Variants in DLG2 observed in about 807,000 individuals in gnomAD.
DLG2 encodes disks large homolog 2.
A neutral mutation model predicts 132.5 loss-of-function variants in DLG2; 45 were observed. The ratio of observed to expected loss-of-function variants is 0.34; its 90% CI spans 0.27 to 0.44. DLG2 has a LOEUF of 0.44. Among genes scored for constraint, DLG2 ranks in the 20% least tolerant of loss-of-function variants. The pLI is 1.00. For missense variants in DLG2, 1,045 were observed against 1,196.9 expected (o/e 0.87, Z 1.87); for synonymous variants, 424 against 419.6 (o/e 1.01, Z -0.13).
intron 4 of DLG2, among the ~76,000 whole-genome samples, chr11:85,233,093 T>C (rs2075386231): frequency 6.6e-6 from 1 of 151,968 alleles, no homozygotes; most frequent in East Asian, 1.9e-4. Context: ...AGATTTCATG[T>C]GGTTTTTTTT....
chr11:83,737,892 C>T (rs1312716978), intron 18 of DLG2, among the ~76,000 whole-genome samples: 2 of 152,124 alleles, frequency 1.3e-5, no homozygotes, highest in African/African-American at 4.8e-5. Context: ...TTCCTGTCTT[C>T]TCCACTTATT....
intron 7 of DLG2, among the ~76,000 whole-genome samples, chr11:84,336,391 C>T (rs1515090): frequency 6.6e-6 from 1 of 152,074 alleles, no homozygotes; most frequent in Admixed American, 6.5e-5. Flanking sequence ...TCCTCCCAAC[C>T]ATTTTCAATG....
intron 7 of DLG2, among the ~76,000 whole-genome samples, chr11:84,450,372 T>G (rs978880): frequency 0.47 from 71,488 of 151,260 alleles, 21,625 homozygotes; most frequent in African/African-American, 0.87. Context: ...GAAAATTTGA[T>G]TTAGTACTTA....
chr11:85,267,634 A>T (rs536243183), intron 4 of DLG2, among the ~76,000 whole-genome samples: 12 of 152,274 alleles, frequency 7.9e-5, no homozygotes, highest in African/African-American at 2.6e-4. Context: ...AACCATGTGG[A>T]ATCAGTTATT....
chr11:83,826,629 A>C (rs539883088), intron 17 of DLG2, among the ~76,000 whole-genome samples: 23 of 152,164 alleles, frequency 1.5e-4, no homozygotes, highest in Non-Finnish European at 2.9e-4. Context: ...TTAAGGCAAT[A>C]AGCTTTTACC....
chr11:85,428,114 C>A (rs1437421660), intron 3 of DLG2, among the ~76,000 whole-genome samples: 1 of 152,164 alleles, frequency 6.6e-6, no homozygotes, highest in Non-Finnish European at 1.5e-5. Context: ...CAGGAGCACC[C>A]AGATTCATAA....
At chr11:83,966,826 C>T (rs1034935731) in intron 12 of DLG2, among the ~76,000 whole-genome samples, 4 of 152,058 alleles carry the variant, frequency 2.6e-5, no homozygotes, top group South Asian at 2.1e-4. Context: ...TTATGTTACA[C>T]ATTAGACCTC....
At chr11:84,460,693 TTTTA>T (rs1195418453) in intron 7 of DLG2, among the ~76,000 whole-genome samples, 1 of 150,828 alleles carries the variant, frequency 6.6e-6, no homozygotes, top group Non-Finnish European at 1.5e-5. Context: ...TGTGTGGTAA[TTTTA>T]TTTAAGTCTC....
At chr11:84,328,636 A>T (rs1037989954) in intron 7 of DLG2, among the ~76,000 whole-genome samples, 3 of 147,236 alleles carry the variant, frequency 2.0e-5, no homozygotes, top group African/African-American at 7.5e-5. Context: ...TTCTAAATTT[A>T]TCAAACGGTT....
At chr11:84,681,442 T>C (rs1021709488) in intron 6 of DLG2, among the ~76,000 whole-genome samples, 1 of 152,174 alleles carries the variant, frequency 6.6e-6, no homozygotes, top group African/African-American at 2.4e-5. Context: ...TGAGGCACTG[T>C]TGGTTTGTAA....
At chr11:84,286,713 T>C (rs766583044) in intron 7 of DLG2, among the ~76,000 whole-genome samples, 41 of 152,182 alleles carry the variant, frequency 2.7e-4, no homozygotes, top group Non-Finnish European at 2.4e-4. Flanking sequence ...AGGGCCATAA[T>C]GGTCAACAAG....
chr11:83,708,589 T>C (rs1284927390), intron 18 of DLG2, among the ~76,000 whole-genome samples: 2 of 152,210 alleles, frequency 1.3e-5, no homozygotes, highest in Non-Finnish European at 2.9e-5. Context: ...CAATTTCGTA[T>C]CACTTGTGTT....
chr11:83,949,498 C>G (rs1006056387), intron 14 of DLG2, among the ~76,000 whole-genome samples: 5 of 151,600 alleles, frequency 3.3e-5, no homozygotes, highest in Non-Finnish European at 5.9e-5. Context: ...CACATGGTAT[C>G]TCTATTTTTC....
chr11:85,464,335 G>A (rs1253263042), intron 3 of DLG2, among the ~76,000 whole-genome samples: 3 of 152,114 alleles, frequency 2.0e-5, no homozygotes, highest in Non-Finnish European at 4.4e-5. Flanking sequence ...AAGAACTGGA[G>A]TTACCACTCA....
At chr11:84,860,465 G>T (rs1355886879) in intron 6 of DLG2, among the ~76,000 whole-genome samples, 2 of 152,140 alleles carry the variant, frequency 1.3e-5, no homozygotes, top group Non-Finnish European at 1.5e-5. Flanking sequence ...TGTATGGACT[G>T]GGATTTTCTA....
chr11:84,197,283 T>C (rs2154296157), intron 8 of DLG2, among the ~76,000 whole-genome samples: 1 of 152,250 alleles, frequency 6.6e-6, no homozygotes, highest in East Asian at 1.9e-4. Flanking sequence ...GACTCTTACA[T>C]TATGCCATTT....
At chr11:83,798,558 C>A (rs528822825) in intron 17 of DLG2, among the ~76,000 whole-genome samples, 4 of 151,852 alleles carry the variant, frequency 2.6e-5, no homozygotes, top group Non-Finnish European at 5.9e-5. Flanking sequence ...GAAAAAAATA[C>A]AAAGGAGTAA....
In DLG2 at chr11:84,723,862, C is replaced by T. The variant is rs181734559; in HGVS notation, c.358-189131G>A. On this transcript the variant is annotated intron_variant, in intron 6 of 27. Transcript: ENST00000376104. ...TAAAATGATGCATCACAACAATACA[C>T]TATTAAGCATTTCTCCTAATGACAA... Among the ~76,000 whole-genome samples the T allele has an allele frequency of 1.1e-4, 16 of 152,244 alleles. No homozygotes were observed. In the East Asian group the frequency reaches 3.1e-3, roughly 29 times the overall value.
intron 7 of DLG2, among the ~76,000 whole-genome samples, chr11:84,300,869 T>C (rs1279375813): frequency 6.6e-6 from 1 of 152,216 alleles, no homozygotes; most frequent in African/African-American, 2.4e-5. Flanking sequence ...AATCATAAAT[T>C]GGTAAAGCAA....
Sources: allele counts gnomAD v4.1 joint callset (sites outside exome capture counted in the v4.1 genomes callset), GRCh38; gene constraint gnomAD v4.1.1; transcripts MANE v1.5; gene names NCBI Gene and HGNC (gene_info 2026-07-23, HGNC 2026-07-21).